The following CELF2 variants were observed in gnomAD, a reference collection of about 807,000 sequenced individuals.
CELF2 encodes the protein CUGBP Elav-like family member 2.
A neutral mutation model predicts 62.6 loss-of-function variants in CELF2; 8 were observed. The ratio of observed to expected loss-of-function variants is 0.13; its 90% confidence interval spans 0.07 to 0.23. The LOEUF (loss-of-function observed/expected upper bound fraction) is 0.23, where lower values mean the gene tolerates loss of function less well. CELF2 is among the 10% of genes least tolerant of loss of function. CELF2 has a pLI of 1.00. For missense variants in CELF2, 333 were observed against 671.0 expected (o/e 0.50, Z 5.56); for synonymous variants, 258 against 250.0 (o/e 1.03, Z -0.30).
At chr10:10,944,119 G>A (rs1413882956) in intron 2 of CELF2, 1 of 152,524 alleles carries the variant, frequency 6.6e-6, no homozygotes, top group Non-Finnish European at 1.5e-5. Flanking sequence ...CACTAGTTTA[G>A]GTAACTGATC....
the CELF2 span, among the ~76,000 whole-genome samples, chr10:10,782,254 C>CAGGAAAGCTAGTGGTTTTG: frequency 1.3e-5 from 2 of 152,154 alleles, no homozygotes; most frequent in Admixed American, 1.3e-4. Flanking sequence ...ACTGGCAACC[C>CAGGAAAGCTAGTGGTTTTG]AGGAAAGCTA....
the CELF2 span, among the ~76,000 whole-genome samples, chr10:10,668,463 TC>T: frequency 6.6e-6 from 1 of 152,214 alleles, no homozygotes; most frequent in Admixed American, 6.5e-5. Context: ...AAGGTACAGT[TC>T]CATGGTACGA....
rs138002376 is a variant in CELF2, at chr10:11,119,511, A to C, written c.75-45975A>C. ...TTCTCTAGCATAGGCTTACCCATTA[A>C]TAACTTATTTAATCAATTCCAGAAT... On this transcript the variant is annotated intron_variant, in intron 1 of 12. Transcript: ENST00000633077. Among the ~76,000 whole-genome samples the C allele has an allele frequency of 6.5e-3, 995 of 152,372 alleles. 30 individuals are homozygous for C. Among genetic ancestry groups the C allele is most frequent in the Admixed American group, 0.044 (675 of 15,306 alleles).
chr10:11,119,870 C>CT (rs894881797), intron 1 of CELF2, among the ~76,000 whole-genome samples: 1 of 133,152 alleles, frequency 7.5e-6, no homozygotes, highest in African/African-American at 2.8e-5. Context: ...CGCCTCCCCC[C>CT]CCCCGGCCCC....
At chr10:11,153,895 A>G (rs1361596554) in intron 1 of CELF2, among the ~76,000 whole-genome samples, 1 of 152,190 alleles carries the variant, frequency 6.6e-6, no homozygotes, top group Admixed American at 6.5e-5. Flanking sequence ...TGATGACTTC[A>G]CAGCAATTTG....
intron 1 of CELF2, among the ~76,000 whole-genome samples, chr10:10,867,766 C>T (rs576382884): frequency 2.6e-5 from 4 of 152,182 alleles, no homozygotes; most frequent in South Asian, 2.1e-4. Flanking sequence ...CCTGGATAGC[C>T]GAGCACAGAT....
At chr10:10,862,680 G>C (rs970699662) in intron 1 of CELF2, among the ~76,000 whole-genome samples, 1 of 152,222 alleles carries the variant, frequency 6.6e-6, no homozygotes, top group African/African-American at 2.4e-5. Context: ...AACAGGAGCT[G>C]TGTTCAATCA....
At chr10:11,042,531 G>A (rs1417704683) in intron 1 of CELF2, among the ~76,000 whole-genome samples, 5 of 152,126 alleles carry the variant, frequency 3.3e-5, no homozygotes, top group Non-Finnish European at 7.4e-5. Flanking sequence ...CCTGACTGTG[G>A]CTGTCTTTCA....
At chr10:10,691,821 G>C in the CELF2 span, among the ~76,000 whole-genome samples, 37 of 147,272 alleles carry the variant, frequency 2.5e-4, no homozygotes, top group African/African-American at 8.1e-4. Context: ...AGAAGTGTCT[G>C]TTCATGTCCT....
chr10:11,086,490 G>A (rs1395211100), intron 1 of CELF2, among the ~76,000 whole-genome samples: 1 of 149,858 alleles, frequency 6.7e-6, no homozygotes, highest in Non-Finnish European at 1.5e-5. Context: ...ATTGAGAGAG[G>A]TGAGGCTGAG....
At chr10:10,631,278 C>G in the CELF2 span, among the ~76,000 whole-genome samples, 1 of 152,102 alleles carries the variant, frequency 6.6e-6, no homozygotes, top group Admixed American at 6.5e-5. Flanking sequence ...CTAAAGAAAA[C>G]GCTAGTTCAA....
At chr10:10,751,567 A>G in the CELF2 span, among the ~76,000 whole-genome samples, 1 of 152,216 alleles carries the variant, frequency 6.6e-6, no homozygotes, top group East Asian at 1.9e-4. Flanking sequence ...TTTAAGTAGA[A>G]CTTCATGCTG....
In CELF2 at chr10:11,165,655, C is replaced by A. The variant is rs746568245; in HGVS notation, c.244C>A (p.Arg82=). 11 of 1,613,982 alleles carry A rather than the reference C, an allele frequency of 6.8e-6. No homozygotes were observed. The East Asian group carries it at 2.2e-4, about 33-fold the overall frequency. The change falls in exon 2 of 13, where the codon CGG becomes AGG. Residue 82 remains arginine (R), a synonymous_variant. Coordinates refer to ENST00000633077, the MANE Select transcript of CELF2 (RefSeq NM_001326342.2). The surrounding 1 kb of genome is among the most constrained non-coding windows in gnomAD (Gnocchi z 7.4). ...CTACCAGATCAACGTCCTCCGGGACCGGAGTCAGAACCCTCCGCAGAGTAA... is the reference window on the plus strand; with the variant it reads ...CTACCAGATCAACGTCCTCCGGGACAGGAGTCAGAACCCTCCGCAGAGTAA... ...AVYQINVLRD[R]SQNPPQSKGC...
At chr10:10,980,614 C>A (rs1030708237) in intron 2 of CELF2, among the ~76,000 whole-genome samples, 1 of 152,208 alleles carries the variant, frequency 6.6e-6, no homozygotes, top group Admixed American at 6.5e-5. Context: ...TTTGCACCTG[C>A]TCTTCCCACT....
chr10:11,132,237 T>G (rs11256992), intron 1 of CELF2, among the ~76,000 whole-genome samples: 20,013 of 152,276 alleles, frequency 0.13, 1,410 homozygotes, highest in Middle Eastern at 0.22. Context: ...TAGTGTTACT[T>G]CTTGTAAAAT....
Position 11,249,207 on chromosome 10 carries a change from TG to T in CELF2, c.403+8del. On this transcript the variant is annotated splice_region_variant and intron_variant, in intron 4 of 12. Transcript: ENST00000633077. ...AGATAGTGAAAAGTCCAACGGTAGG[TG>T]GTAACCAACTGTCTTGCTTAATAAT... 6.2e-7 allele frequency: 1 copy of T among 1,609,394 alleles called. No homozygotes were observed. Among genetic ancestry groups the T allele is most frequent in the Non-Finnish European group, 8.5e-7 (1 of 1,175,762 alleles).
At chr10:10,648,944 C>T in the CELF2 span, among the ~76,000 whole-genome samples, 3 of 152,174 alleles carry the variant, frequency 2.0e-5, no homozygotes, top group South Asian at 2.1e-4. Flanking sequence ...CCCATCTTCT[C>T]CCCTCCTGAG....
chr10:10,752,704 AAAAG>A, the CELF2 span, among the ~76,000 whole-genome samples: 1 of 144,886 alleles, frequency 6.9e-6, no homozygotes, highest in Non-Finnish European at 1.5e-5. Context: ...AAAAAAAAAA[AAAAG>A]AAAGAAAAAG....
intron 9 of CELF2, among the ~76,000 whole-genome samples, chr10:11,295,181 CTG>C (rs1412804525): frequency 6.6e-6 from 1 of 152,000 alleles, no homozygotes. Flanking sequence ...TAAAATGACT[CTG>C]TAGTGACTGT....
Sources: gnomAD v4.1 joint callset for allele counts (sites outside exome capture counted in the v4.1 genomes callset) on GRCh38, gnomAD v4.1.1 for gene constraint, Gnocchi (gnomAD v3.1) non-coding constraint, MANE v1.5 for transcripts, NCBI Gene and HGNC (gene_info 2026-07-23, HGNC 2026-07-21) for gene names.